Variants in SLC24A3 observed in about 807,000 individuals in gnomAD.
The protein encoded by SLC24A3 is sodium/potassium/calcium exchanger 3.
SLC24A3 carries 28 observed loss-of-function variants against 75.8 expected under a neutral mutation model. The ratio of observed to expected loss-of-function variants is 0.37; its 90% CI spans 0.27 to 0.51. SLC24A3 has a LOEUF of 0.51. Ranked by LOEUF, SLC24A3 falls within the 20% of genes least tolerant of loss-of-function variation. SLC24A3 has a pLI of 0.94. For missense variants in SLC24A3, 663 were observed against 847.8 expected (o/e 0.78, Z 2.71); for synonymous variants, 372 against 334.1 (o/e 1.11, Z -1.24).
At chr20:19,689,308 G>A (rs767801137) in intron 12 of SLC24A3, among the ~76,000 whole-genome samples, 8 of 152,146 alleles carry the variant, frequency 5.3e-5, no homozygotes, top group Non-Finnish European at 1.2e-4. Context: ...CTCTTTGATA[G>A]AATTCAGCTT....
intron 2 of SLC24A3, among the ~76,000 whole-genome samples, chr20:19,418,689 A>T (rs1451424837): frequency 6.6e-6 from 1 of 151,200 alleles, no homozygotes; most frequent in African/African-American, 2.4e-5. Context: ...ATAATATATA[A>T]TATAATAATA....
chr20:19,516,038 C>A (rs1314496338), intron 3 of SLC24A3, among the ~76,000 whole-genome samples: 1 of 152,232 alleles, frequency 6.6e-6, no homozygotes, highest in Non-Finnish European at 1.5e-5. Flanking sequence ...TACACGGCTT[C>A]ATTCCCAGAC....
At chr20:19,300,505 C>G (rs6136675) in intron 2 of SLC24A3, among the ~76,000 whole-genome samples, 7,166 of 152,266 alleles carry the variant, frequency 0.047, 569 homozygotes, top group East Asian at 0.27. Flanking sequence ...ACACACAGAA[C>G]CAGGAGACGT....
intron 2 of SLC24A3, among the ~76,000 whole-genome samples, chr20:19,474,544 T>C (rs967694191): frequency 6.6e-6 from 1 of 152,236 alleles, no homozygotes; most frequent in African/African-American, 2.4e-5. Context: ...CCATCCATCA[T>C]AGAGCTGGGT....
At chr20:19,328,406 A>G (rs1246477191) in intron 2 of SLC24A3, among the ~76,000 whole-genome samples, 1 of 152,190 alleles carries the variant, frequency 6.6e-6, no homozygotes, top group East Asian at 1.9e-4. Flanking sequence ...GTAGTGGGCA[A>G]GAGTGGAAGG....
intron 2 of SLC24A3, among the ~76,000 whole-genome samples, chr20:19,459,800 C>G (rs927814641): frequency 6.6e-6 from 1 of 152,158 alleles, no homozygotes; most frequent in Non-Finnish European, 1.5e-5. Flanking sequence ...TGGTATCACT[C>G]AATCACCTCC....
At chr20:19,442,843 A>G (rs1409681174) in intron 2 of SLC24A3, among the ~76,000 whole-genome samples, 1 of 152,162 alleles carries the variant, frequency 6.6e-6, no homozygotes, top group African/African-American at 2.4e-5. Flanking sequence ...CTTTTGGTCT[A>G]TGATCCATTT....
chr20:19,531,965 C>T (rs1368817044), intron 3 of SLC24A3, among the ~76,000 whole-genome samples: 1 of 152,152 alleles, frequency 6.6e-6, no homozygotes, highest in East Asian at 1.9e-4. Flanking sequence ...GAAACTGAGG[C>T]ACAGAGAAAT....
intron 15 of SLC24A3, among the ~76,000 whole-genome samples, chr20:19,706,132 A>G (rs558890687): frequency 5.3e-5 from 8 of 152,324 alleles, no homozygotes; most frequent in African/African-American, 1.9e-4. Flanking sequence ...ACCAGAGTCC[A>G]GAAACAACAG....
chr20:19,658,020 A>G (rs182190360), intron 7 of SLC24A3, among the ~76,000 whole-genome samples: 17 of 152,294 alleles, frequency 1.1e-4, no homozygotes, highest in Admixed American at 1.0e-3. Context: ...TTATACAGCA[A>G]TGAAATGTTC....
chr20:19,213,889 A>C (rs1981479997), intron 1 of SLC24A3, among the ~76,000 whole-genome samples: 1 of 152,226 alleles, frequency 6.6e-6, no homozygotes, highest in Non-Finnish European at 1.5e-5. Flanking sequence ...CGGCCGTGGA[A>C]GTGGCACGAT....
chr20:19,610,470 A>T (rs527764359), intron 6 of SLC24A3, among the ~76,000 whole-genome samples: 2 of 152,332 alleles, frequency 1.3e-5, no homozygotes, highest in South Asian at 2.1e-4. Context: ...AGGGATAGCC[A>T]CAGAGGGGAT....
intron 2 of SLC24A3, among the ~76,000 whole-genome samples, chr20:19,288,973 G>A (rs911867568): frequency 1.1e-4 from 17 of 152,294 alleles, no homozygotes; most frequent in Admixed American, 7.8e-4. Context: ...TTATTCTTGG[G>A]CCTTTACAGA....
At chr20:19,499,857 C>T (rs1368439378) in intron 2 of SLC24A3, among the ~76,000 whole-genome samples, 3 of 152,146 alleles carry the variant, frequency 2.0e-5, no homozygotes, top group Non-Finnish European at 4.4e-5. Flanking sequence ...ATGGATTATA[C>T]ATACATACAT....
intron 2 of SLC24A3, among the ~76,000 whole-genome samples, chr20:19,411,911 G>A (rs1419134934): frequency 2.6e-5 from 4 of 151,976 alleles, no homozygotes; most frequent in African/African-American, 7.3e-5. Flanking sequence ...CAGGACTGTC[G>A]GCATGTCAGA....
At chr20:19,438,524 A>G (rs970249158) in intron 2 of SLC24A3, among the ~76,000 whole-genome samples, 2 of 147,118 alleles carry the variant, frequency 1.4e-5, no homozygotes, top group African/African-American at 5.1e-5. Flanking sequence ...ACCCCCATAC[A>G]GTAGGTAGTG....
rs181235093 is a variant in SLC24A3 at position 19,615,816 on chromosome 20, C to A, written c.612+30272C>A. Among the ~76,000 whole-genome samples the A allele has an allele frequency of 1.5e-3, 228 of 152,288 alleles. 1 individual carries two copies. Among genetic ancestry groups the A allele is most frequent in the South Asian group, 6.8e-3 (33 of 4,824 alleles). On this transcript the variant is annotated intron_variant, in intron 6 of 16. Transcript: ENST00000328041. ...TTTGGCCTTTGGACTCTGAGACTTGCACCAGTGGCTTCCTGGGGACTCTCA... is the reference window on the plus strand; with the variant it reads ...TTTGGCCTTTGGACTCTGAGACTTGAACCAGTGGCTTCCTGGGGACTCTCA...
Position 19,685,257 on chromosome 20 carries a change from C to T in SLC24A3, c.1220C>T (p.Ala407Val), listed in dbSNP as rs2032662402. The change falls in exon 12 of 17, where the codon GCT becomes GTT. Residue 407 changes from alanine to valine, a missense_variant. Physicochemically the swap from Ala to Val is moderately conservative, Grantham distance 64 (BLOSUM62 0). This residue lies in a region of SLC24A3 where 510 missense variants were observed against 703.6 expected (regional missense o/e 0.72). Transcript: ENST00000328041. ...CGGAGGGACGATGTTGTGGCTGAGG[C>T]TGGCAACGAAACAGAGAATGAAAAT... ...GTRRDDVVAEAGNETENENED... is the reference protein window; with the variant it reads ...GTRRDDVVAEVGNETENENED... The T allele has an allele frequency of 1.2e-6, 2 of 1,614,042 alleles. No individual in the cohort carries two copies. The highest frequency in any genetic ancestry group is 1.3e-5 in the African/African-American group (1 of 74,972).
intron 2 of SLC24A3, among the ~76,000 whole-genome samples, chr20:19,286,307 G>A (rs758844668): frequency 5.9e-5 from 9 of 152,096 alleles, no homozygotes; most frequent in Non-Finnish European, 1.3e-4. Context: ...TATGAGAGAA[G>A]CAACAGGAGG....
Sources: gnomAD v4.1 joint callset for allele counts (sites outside exome capture counted in the v4.1 genomes callset) on GRCh38, gnomAD v4.1.1 for gene constraint, gnomAD v4.1.1 regional missense constraint, MANE v1.5 for transcripts, NCBI Gene and HGNC (gene_info 2026-07-23, HGNC 2026-07-21) for gene names.